Variants in PITPNC1 observed in about 807,000 individuals in gnomAD.
PITPNC1 encodes cytoplasmic phosphatidylinositol transfer protein 1.
Under a neutral mutation model 44.7 loss-of-function variants are expected in PITPNC1, and 18 were observed. The observed-to-expected ratio is 0.40, with a 90% confidence interval of 0.28 to 0.60. PITPNC1 has a LOEUF of 0.60. Among genes scored for constraint, PITPNC1 ranks in the 20% least tolerant of loss-of-function variants. The pLI, the probability that PITPNC1 is intolerant of heterozygous loss-of-function variation, is 0.39. For synonymous variants in PITPNC1, 141 were observed against 149.6 expected (o/e 0.94, Z 0.42); for missense variants, 290 against 418.4 (o/e 0.69, Z 2.68).
intron 1 of PITPNC1, among the ~76,000 whole-genome samples, chr17:67,388,235 C>G (rs1376634200): frequency 2.6e-5 from 4 of 152,060 alleles, no homozygotes; most frequent in Non-Finnish European, 5.9e-5. Context: ...AGTTTGAAAT[C>G]AGTCACATAT....
intron 2 of PITPNC1, among the ~76,000 whole-genome samples, chr17:67,535,205 G>A (rs1012102054): frequency 2.6e-5 from 4 of 152,264 alleles, no homozygotes; most frequent in Non-Finnish European, 5.9e-5. Flanking sequence ...GCCAGCTGTT[G>A]ATTTGCAGGG....
chr17:67,512,508 A>ACAAACAAACAAAC (rs745678437), intron 1 of PITPNC1, among the ~76,000 whole-genome samples: 7,759 of 150,618 alleles, frequency 0.052, 273 homozygotes, highest in Middle Eastern at 0.1. Flanking sequence ...CTCAAAAAAA[A>ACAAACAAACAAAC]AAAAAAAAAA....
chr17:67,508,969 C>G lies in PITPNC1; in HGVS notation c.49-23833C>G, dbSNP rs1284236247. ...TAAAAACAGGCCGGGCTTGGTGGCT[C>G]ACGTCTGTAATCCCAGCACTTTGGG... On this transcript the variant is annotated intron_variant, in intron 1 of 8. Coordinates refer to ENST00000581322, the MANE Select transcript of PITPNC1 (RefSeq NM_012417.4). This position sits in a 1 kb window ranked among gnomAD's most constrained non-coding sequence, Gnocchi z 4.2. Among the ~76,000 whole-genome samples, 39 of 152,184 alleles carry G rather than the reference C, an allele frequency of 2.6e-4. No individual in the cohort carries two copies. Among genetic ancestry groups the G allele is most frequent in the Admixed American group, 2.6e-3 (39 of 15,284 alleles).
At chr17:67,574,833 C>A (rs1808692) in intron 4 of PITPNC1, among the ~76,000 whole-genome samples, 9,380 of 152,052 alleles carry the variant, frequency 0.062, 448 homozygotes, top group African/African-American at 0.13. Context: ...AAGTACTGAC[C>A]CGCTTGGAGT....
chr17:67,483,647 A>G (rs2144031313), intron 1 of PITPNC1, among the ~76,000 whole-genome samples: 1 of 152,302 alleles, frequency 6.6e-6, no homozygotes, highest in Non-Finnish European at 1.5e-5. Flanking sequence ...CTGTAAATCC[A>G]TCTGCCCATC....
At chr17:67,454,366 T>A (rs2039226606) in intron 1 of PITPNC1, among the ~76,000 whole-genome samples, 1 of 152,146 alleles carries the variant, frequency 6.6e-6, no homozygotes, top group Non-Finnish European at 1.5e-5. Context: ...ACATAACCCA[T>A]CTAAAAGCTT....
At position 67,520,568 on chromosome 17, in the gene PITPNC1, C is replaced by T. The variant is rs529427169; in HGVS notation, c.49-12234C>T. On this transcript the variant is annotated intron_variant, in intron 1 of 8. Coordinates refer to ENST00000581322, the MANE Select transcript of PITPNC1 (RefSeq NM_012417.4). ...AACGCTCAAGAAATCCCCCTCTTTG[C>T]CAGACACCAAGTGTATCTTGTTTGC... Among the ~76,000 whole-genome samples, 21 of 152,340 alleles carry T rather than the reference C, an allele frequency of 1.4e-4. No homozygotes were observed. In the South Asian group the frequency reaches 4.3e-3, roughly 32 times the overall value.
At chr17:67,441,399 G>A (rs2039010923) in intron 1 of PITPNC1, among the ~76,000 whole-genome samples, 2 of 152,004 alleles carry the variant, frequency 1.3e-5, no homozygotes, top group Admixed American at 6.6e-5. Context: ...ACAGCCCAGA[G>A]CTCAGCCTCT....
intron 8 of PITPNC1, among the ~76,000 whole-genome samples, chr17:67,680,299 G>GA (rs1052028082): frequency 1.6e-4 from 25 of 152,132 alleles, no homozygotes; most frequent in African/African-American, 5.5e-4. Context: ...AAAAACTACA[G>GA]AAAAAAATCA....
intron 6 of PITPNC1, among the ~76,000 whole-genome samples, chr17:67,663,478 G>T (rs1177461543): frequency 6.6e-6 from 1 of 151,972 alleles, no homozygotes; most frequent in Non-Finnish European, 1.5e-5. Context: ...GCTAAGGCAG[G>T]AGAATGGCGG....
chr17:67,384,464 C>G (rs1418377593), intron 1 of PITPNC1, among the ~76,000 whole-genome samples: 1 of 144,994 alleles, frequency 6.9e-6, no homozygotes, highest in African/African-American at 2.5e-5. Flanking sequence ...CTCGCTCTTT[C>G]GCCCAGGCCA....
chr17:67,561,991 A>G (rs770561121), intron 4 of PITPNC1, among the ~76,000 whole-genome samples: 1 of 152,214 alleles, frequency 6.6e-6, no homozygotes, highest in Non-Finnish European at 1.5e-5. Context: ...AGATATCAGT[A>G]TTCATGAGCA....
At chr17:67,604,466 A>C (rs1490396186) in intron 5 of PITPNC1, among the ~76,000 whole-genome samples, 2 of 152,234 alleles carry the variant, frequency 1.3e-5, no homozygotes, top group East Asian at 3.9e-4. Context: ...AAGACCCAAA[A>C]GCAAAAGAAA....
intron 4 of PITPNC1, among the ~76,000 whole-genome samples, chr17:67,572,265 A>C (rs1340584375): frequency 6.6e-6 from 1 of 152,020 alleles, no homozygotes; most frequent in Admixed American, 6.6e-5. Flanking sequence ...AAGGACATTT[A>C]TCAGGATCTT....
chr17:67,681,209 T>G (rs561524505), intron 8 of PITPNC1, among the ~76,000 whole-genome samples: 7 of 152,186 alleles, frequency 4.6e-5, no homozygotes, highest in Non-Finnish European at 8.8e-5. Context: ...AAAAATACAA[T>G]GATTTAAAGA....
rs749684294 is a variant in PITPNC1 at position 67,692,611 on chromosome 17, C to T, written c.722C>T (p.Thr241Ile). ...MDEVREFERA[T>I]QEATNKKIGI... ...GAAGTCCGAGAATTTGAACGAGCCA[C>T]TCAGGAAGCCACCAACAAGAAAATC... is the stretch of plus-strand genomic sequence containing the variant. Residue 241 changes from threonine (T) to isoleucine (I), a missense_variant, in exon 9 of 9, where the codon ACT (threonine) becomes ATT (isoleucine). By Grantham distance (89) the Thr-to-Ile change is moderately conservative. Transcript: ENST00000581322. 1 of 1,613,816 alleles carries T rather than the reference C, an allele frequency of 6.2e-7. No individual in the cohort carries two copies. The highest frequency in any genetic ancestry group is 1.1e-5 in the South Asian group (1 of 91,072).
At position 67,487,383 on chromosome 17, in the gene PITPNC1, CA is replaced by C. The variant is rs371011411; in HGVS notation, c.49-45418del. Among the ~76,000 whole-genome samples, 253 of 152,196 alleles carry C rather than the reference CA, an allele frequency of 1.7e-3. 2 individuals carry two copies. Among genetic ancestry groups the C allele is most frequent in the African/African-American group, 5.9e-3 (246 of 41,526 alleles). On this transcript the variant is annotated intron_variant, in intron 1 of 8. Coordinates refer to ENST00000581322, the MANE Select transcript of PITPNC1 (RefSeq NM_012417.4). ...AGAGGTGGGGCTTCACCATGTTGAC[CA>C]GGCTGATCTCGAACTCCTGGCCTCA...
intron 1 of PITPNC1, among the ~76,000 whole-genome samples, chr17:67,469,036 C>T (rs1376271472): frequency 2.6e-5 from 4 of 152,182 alleles, no homozygotes; most frequent in Non-Finnish European, 5.9e-5. Flanking sequence ...GCCCAGGTGA[C>T]TTTCTTGAGA....
At chr17:67,440,496 C>CTTTT (rs1286947172) in intron 1 of PITPNC1, among the ~76,000 whole-genome samples, 4 of 142,890 alleles carry the variant, frequency 2.8e-5, no homozygotes, top group African/African-American at 5.1e-5. Flanking sequence ...TCTTGCAAGA[C>CTTTT]TTTTTATTTA....
Sources: gnomAD v4.1 joint callset for allele counts (sites outside exome capture counted in the v4.1 genomes callset) on GRCh38, gnomAD v4.1.1 for gene constraint, Gnocchi (gnomAD v3.1) non-coding constraint, MANE v1.5 for transcripts, NCBI Gene and HGNC (gene_info 2026-07-23, HGNC 2026-07-21) for gene names.